SEMA5A: variants seen among roughly 807,000 people sequenced by gnomAD.
SEMA5A encodes semaphorin 5A.
In SEMA5A, 55 loss-of-function variants were observed where a neutral mutation model predicts 135.5. The observed-to-expected ratio is 0.41, with a 90% CI of 0.33 to 0.51. The LOEUF is 0.51. Ranked by LOEUF, SEMA5A falls within the 20% of genes least tolerant of loss-of-function variation. SEMA5A has a pLI of 0.37. For synonymous variants in SEMA5A, 580 were observed against 546.5 expected (o/e 1.06, Z -0.85); for missense variants, 1,290 against 1,419.9 (o/e 0.91, Z 1.47).
intron 1 of SEMA5A, among the ~76,000 whole-genome samples, chr5:9,500,576 A>G (rs1010852317): frequency 6.6e-6 from 1 of 152,176 alleles, no homozygotes; most frequent in Admixed American, 6.5e-5. Context: ...ATGTCACACA[A>G]TGGCCCACAC....
chr5:9,471,235 G>A (rs1414357931), intron 1 of SEMA5A, among the ~76,000 whole-genome samples: 1 of 152,122 alleles, frequency 6.6e-6, no homozygotes, highest in Non-Finnish European at 1.5e-5. Context: ...GAGGATGAAC[G>A]AGTGATGGGG....
intron 10 of SEMA5A, among the ~76,000 whole-genome samples, chr5:9,192,318 C>T (rs1194852117): frequency 2.0e-5 from 3 of 152,246 alleles, no homozygotes; most frequent in African/African-American, 7.2e-5. Flanking sequence ...GCTCATTTCT[C>T]AGGGCTACTG....
intron 18 of SEMA5A, 26 bp downstream of exon 18, chr5:9,062,861 T>A (rs965157915): frequency 5.6e-6 from 9 of 1,612,508 alleles, no homozygotes; most frequent in Non-Finnish European, 7.6e-6. Context: ...TTTTCAGATG[T>A]TTTGTAGACT....
chr5:9,251,730 G>C (rs929713963), intron 5 of SEMA5A, among the ~76,000 whole-genome samples: 2 of 152,194 alleles, frequency 1.3e-5, no homozygotes, highest in African/African-American at 4.8e-5. Flanking sequence ...CAGTACAACA[G>C]CCTAAAAGAG....
At chr5:9,394,739 T>C (rs553072644) in intron 2 of SEMA5A, among the ~76,000 whole-genome samples, 21 of 152,114 alleles carry the variant, frequency 1.4e-4, no homozygotes, top group Non-Finnish European at 2.8e-4. Flanking sequence ...GTACCAAGAA[T>C]GGAGGTAGCA....
At chr5:9,334,634 T>C (rs912715981) in intron 4 of SEMA5A, among the ~76,000 whole-genome samples, 1 of 152,184 alleles carries the variant, frequency 6.6e-6, no homozygotes, top group Non-Finnish European at 1.5e-5. Context: ...TTACAGGTGA[T>C]AAAATCAGGC....
In SEMA5A at chr5:9,190,299, T is replaced by G. The variant is rs778694916; in HGVS notation, c.1241A>C (p.Glu414Ala). The change falls in exon 11 of 23, where the codon GAA becomes GCA. Residue 414 changes from glutamate (E) to alanine (A), a missense_variant. Glu to Ala is a moderately radical substitution (Grantham distance 107). Coordinates refer to ENST00000382496, the MANE Select transcript of SEMA5A (RefSeq NM_003966.3). ...HVAVDVVQGREALVHIIYLAT... is the reference protein window; with the variant it reads ...HVAVDVVQGRAALVHIIYLAT... ...CAAATAGATGATGTGGACGAGCGCT[T>G]CTCTGCCCTGCACCACGTCGACTGC... is the stretch of plus-strand genomic sequence containing the variant. 1 of 1,614,062 alleles carries G rather than the reference T, an allele frequency of 6.2e-7. No individual in the cohort carries two copies. The highest frequency in any genetic ancestry group is 8.5e-7 in the Non-Finnish European group (1 of 1,180,006).
chr5:9,476,772 T>A (rs1759682347), intron 1 of SEMA5A, among the ~76,000 whole-genome samples: 1 of 152,216 alleles, frequency 6.6e-6, no homozygotes, highest in Admixed American at 6.5e-5. Flanking sequence ...CCCATTGCCA[T>A]TAGAAAACAG....
intron 5 of SEMA5A, among the ~76,000 whole-genome samples, chr5:9,286,842 G>A (rs1344942091): frequency 6.6e-6 from 1 of 152,236 alleles, no homozygotes; most frequent in Non-Finnish European, 1.5e-5. Context: ...AAGAAACACT[G>A]AGTGATAAGA....
At chr5:9,484,102 C>A (rs771225544) in intron 1 of SEMA5A, among the ~76,000 whole-genome samples, 1 of 152,198 alleles carries the variant, frequency 6.6e-6, no homozygotes, top group Non-Finnish European at 1.5e-5. Flanking sequence ...AAAATGAATT[C>A]TTGATAGCCA....
intron 5 of SEMA5A, among the ~76,000 whole-genome samples, chr5:9,314,470 T>C (rs55789303): frequency 0.019 from 2,878 of 152,160 alleles, 82 homozygotes; most frequent in African/African-American, 0.066. Flanking sequence ...TAAAATATAC[T>C]GTTAGTAGTC....
chr5:9,280,054 G>A (rs1192570986), intron 5 of SEMA5A, among the ~76,000 whole-genome samples: 2 of 152,166 alleles, frequency 1.3e-5, no homozygotes, highest in East Asian at 3.9e-4. Context: ...GTGTCTGAGG[G>A]ACAGGATTTT....
chr5:9,162,513 T>C (rs1484181758), intron 11 of SEMA5A, among the ~76,000 whole-genome samples: 5 of 90,896 alleles, frequency 5.5e-5, no homozygotes, highest in African/African-American at 1.6e-4. Flanking sequence ...TATAGGAATA[T>C]ATGTGTATAT....
At chr5:9,272,554 G>A (rs1202588683) in intron 5 of SEMA5A, among the ~76,000 whole-genome samples, 2 of 152,158 alleles carry the variant, frequency 1.3e-5, no homozygotes, top group Non-Finnish European at 2.9e-5. Flanking sequence ...TGATCCCGGT[G>A]TATCGTGAAT....
At chr5:9,513,990 G>A (rs576657463) in intron 1 of SEMA5A, among the ~76,000 whole-genome samples, 68 of 152,164 alleles carry the variant, frequency 4.5e-4, no homozygotes, top group African/African-American at 1.5e-3. Context: ...AATCTAAAAC[G>A]AGTTTCCTTG....
chr5:9,421,232 T>C (rs1579512843), intron 2 of SEMA5A, among the ~76,000 whole-genome samples: 1 of 152,310 alleles, frequency 6.6e-6, no homozygotes, highest in East Asian at 1.9e-4. Flanking sequence ...ATGGAGGTCA[T>C]TTTACTTTAT....
intron 11 of SEMA5A, among the ~76,000 whole-genome samples, chr5:9,161,836 CA>C (rs1481157082): frequency 6.6e-6 from 1 of 152,190 alleles, no homozygotes; most frequent in African/African-American, 2.4e-5. Context: ...ATCCCTGCAC[CA>C]GGTCAATTGC....
chr5:9,202,414 T>G (rs1449376739), intron 8 of SEMA5A, among the ~76,000 whole-genome samples, 174 bp from the exon 9 acceptor site: 1 of 152,196 alleles, frequency 6.6e-6, no homozygotes, highest in Non-Finnish European at 1.5e-5. Context: ...GTTGGGAAAC[T>G]CAGTGTCATA....
intron 1 of SEMA5A, among the ~76,000 whole-genome samples, chr5:9,447,372 C>T (rs1354665761): frequency 6.6e-6 from 1 of 152,150 alleles, no homozygotes; most frequent in African/African-American, 2.4e-5. Context: ...TCTATTCTGG[C>T]TTAAACCTAG....
Sources: allele counts gnomAD v4.1 joint callset (sites outside exome capture counted in the v4.1 genomes callset), GRCh38; gene constraint gnomAD v4.1.1; transcripts MANE v1.5; gene names NCBI Gene and HGNC (gene_info 2026-07-23, HGNC 2026-07-21).